ERC2: variants seen among roughly 807,000 people sequenced by gnomAD.
ERC2 encodes ERC protein 2.
ERC2 carries 42 observed loss-of-function variants against 114.8 expected under a neutral mutation model. The ratio of observed to expected loss-of-function variants is 0.37; its 90% CI spans 0.29 to 0.47. The LOEUF (loss-of-function observed/expected upper bound fraction) is 0.47, where lower values mean the gene tolerates loss of function less well. Ranked by LOEUF, ERC2 falls within the 20% of genes least tolerant of loss-of-function variation. ERC2 has a pLI of 0.99. For missense variants in ERC2, 939 were observed against 1,150.7 expected, an observed-to-expected ratio of 0.82 and a Z score of 2.66; for synonymous variants, 454 against 425.5, an observed-to-expected ratio of 1.07 and a Z score of -0.82.
At chr3:56,161,275 C>T (rs541816526) in intron 4 of ERC2, among the ~76,000 whole-genome samples, 1 of 152,292 alleles carries the variant, frequency 6.6e-6, no homozygotes, top group East Asian at 1.9e-4. Context: ...GTACAGCCTG[C>T]CAAACCATGA....
At chr3:56,412,585 A>G (rs971180438) in intron 2 of ERC2, among the ~76,000 whole-genome samples, 27 of 152,186 alleles carry the variant, frequency 1.8e-4, no homozygotes, top group Non-Finnish European at 7.4e-5. Context: ...TCAGTATCTC[A>G]TATCTACCAC....
chr3:56,030,665 G>A (rs567079926), intron 7 of ERC2, among the ~76,000 whole-genome samples: 5 of 152,316 alleles, frequency 3.3e-5, no homozygotes, highest in African/African-American at 9.6e-5. Context: ...AGAACAAAGA[G>A]TGATGTCAGT....
At chr3:55,567,868 G>A (rs573959603) in intron 17 of ERC2, among the ~76,000 whole-genome samples, 9 of 152,176 alleles carry the variant, frequency 5.9e-5, no homozygotes, top group East Asian at 3.9e-4. Context: ...ATTTCCTTCC[G>A]GCCTTTTCTC....
At chr3:55,616,759 G>C (rs896211072) in intron 17 of ERC2, among the ~76,000 whole-genome samples, 2 of 151,886 alleles carry the variant, frequency 1.3e-5, no homozygotes, top group African/African-American at 4.8e-5. Flanking sequence ...CTTGAGATTA[G>C]AGAGGAAATT....
At chr3:56,433,522 T>G (rs1047493659) in intron 2 of ERC2, among the ~76,000 whole-genome samples, 1 of 152,156 alleles carries the variant, frequency 6.6e-6, no homozygotes, top group African/African-American at 2.4e-5. Context: ...AAAGCACAGA[T>G]GTGGAGGGAG....
At chr3:55,767,023 AT>A (rs1361289343) in intron 14 of ERC2, among the ~76,000 whole-genome samples, 3 of 152,120 alleles carry the variant, frequency 2.0e-5, no homozygotes, top group African/African-American at 4.8e-5. Context: ...ACTAACAAAT[AT>A]TTATTGAGTG....
intron 3 of ERC2, among the ~76,000 whole-genome samples, chr3:56,279,117 T>C (rs1170010081): frequency 6.6e-6 from 1 of 152,170 alleles, no homozygotes; most frequent in Non-Finnish European, 1.5e-5. Flanking sequence ...TTGCAAATTT[T>C]CTGTAAGTCT....
chr3:56,299,433 A>ATT (rs202209933), intron 2 of ERC2, among the ~76,000 whole-genome samples: 15 of 120,832 alleles, frequency 1.2e-4, no homozygotes, highest in African/African-American at 3.4e-4. Context: ...CAGCTAATAG[A>ATT]TTTTTTTTTT....
chr3:56,030,502 G>T (rs2074313122), intron 7 of ERC2, among the ~76,000 whole-genome samples: 1 of 151,974 alleles, frequency 6.6e-6, no homozygotes, highest in Non-Finnish European at 1.5e-5. Flanking sequence ...AAGCTCTGTT[G>T]CATATACATT....
At chr3:55,599,765 C>T (rs1034888651) in intron 17 of ERC2, among the ~76,000 whole-genome samples, 4 of 152,178 alleles carry the variant, frequency 2.6e-5, no homozygotes, top group South Asian at 4.1e-4. Flanking sequence ...AAGATAATGA[C>T]AATTTTTTCT....
chr3:55,689,747 C>T (rs1376141435), intron 16 of ERC2, among the ~76,000 whole-genome samples: 3 of 150,584 alleles, frequency 2.0e-5, no homozygotes, highest in Non-Finnish European at 3.0e-5. Context: ...GAGCCGAGAT[C>T]GCGCCATTGC....
chr3:56,361,794 T>C lies in ERC2; in HGVS notation c.658-65359A>G, dbSNP rs552497019. On this transcript the variant is annotated intron_variant, in intron 2 of 17. Transcript: ENST00000288221. ...GGGTTAGGCCCACAAGGTGGTTTTCTGCATTTTCCCCTGGGAGATGCATCG... is the reference window on the plus strand; with the variant it reads ...GGGTTAGGCCCACAAGGTGGTTTTCCGCATTTTCCCCTGGGAGATGCATCG... Among the ~76,000 whole-genome samples, 4 of 152,310 alleles carry C rather than the reference T, an allele frequency of 2.6e-5. No individual in the cohort carries two copies. The South Asian group carries it at 8.3e-4, about 32-fold the overall frequency.
intron 2 of ERC2, among the ~76,000 whole-genome samples, chr3:56,409,734 C>G (rs1242542942): frequency 1.3e-5 from 2 of 152,160 alleles, no homozygotes; most frequent in Admixed American, 1.3e-4. Flanking sequence ...CCTAGTGACC[C>G]CGTGTATCTT....
chr3:55,844,261 T>C (rs1320613045), intron 14 of ERC2, among the ~76,000 whole-genome samples: 1 of 152,124 alleles, frequency 6.6e-6, no homozygotes, highest in East Asian at 1.9e-4. Flanking sequence ...GTTAGTAGAA[T>C]GTCACAGCAA....
intron 12 of ERC2, among the ~76,000 whole-genome samples, chr3:55,967,884 C>T (rs994833200): frequency 1.3e-5 from 2 of 152,178 alleles, no homozygotes; most frequent in Non-Finnish European, 2.9e-5. Flanking sequence ...TGCCTTTCTG[C>T]CTTTCACCAT....
At chr3:55,775,882 G>A (rs1368919668) in intron 14 of ERC2, among the ~76,000 whole-genome samples, 4 of 152,210 alleles carry the variant, frequency 2.6e-5, no homozygotes, top group African/African-American at 9.6e-5. Flanking sequence ...GGTGGACCCA[G>A]TTGGCTTCCC....
At chr3:55,642,573 G>C (rs571577137) in intron 17 of ERC2, among the ~76,000 whole-genome samples, 2 of 152,172 alleles carry the variant, frequency 1.3e-5, no homozygotes, top group South Asian at 2.1e-4. Context: ...GGCCTCAAGT[G>C]ATCTGCCTGC....
intron 17 of ERC2, among the ~76,000 whole-genome samples, chr3:55,645,924 C>G (rs554445105): frequency 6.6e-6 from 1 of 152,174 alleles, no homozygotes; most frequent in South Asian, 2.1e-4. Flanking sequence ...GTGCATTCTT[C>G]CAAAAAAGCC....
intron 7 of ERC2, among the ~76,000 whole-genome samples, chr3:56,042,605 T>C (rs973601268): frequency 6.6e-6 from 1 of 152,022 alleles, no homozygotes; most frequent in African/African-American, 2.4e-5. Flanking sequence ...AATGGACGGG[T>C]GAAAGCAGAA....
Sources: gnomAD v4.1 joint callset for allele counts (sites outside exome capture counted in the v4.1 genomes callset) on GRCh38, gnomAD v4.1.1 for gene constraint, MANE v1.5 for transcripts, NCBI Gene and HGNC (gene_info 2026-07-23, HGNC 2026-07-21) for gene names.